SSBP2: variants seen among roughly 807,000 people sequenced by gnomAD.
The protein encoded by SSBP2 is single-stranded DNA-binding protein 2.
In SSBP2, 17 loss-of-function variants were observed where a neutral mutation model predicts 61.8. The observed-to-expected ratio is 0.28, with a 90% CI of 0.19 to 0.41. The LOEUF is 0.41. Ranked by LOEUF, SSBP2 falls within the 10% of genes least tolerant of loss-of-function variation. SSBP2 has a pLI of 1.00. For synonymous variants in SSBP2, 139 were observed against 141.3 expected, an observed-to-expected ratio of 0.98 and a Z score of 0.12; for missense variants, 310 against 458.7, an observed-to-expected ratio of 0.68 and a Z score of 2.96.
intron 1 of SSBP2, among the ~76,000 whole-genome samples, chr5:81,728,360 T>C (rs2153985581): frequency 6.6e-6 from 1 of 152,288 alleles, no homozygotes; most frequent in East Asian, 1.9e-4. Context: ...TTTAAATAAA[T>C]AAAACATTTC....
intron 4 of SSBP2, among the ~76,000 whole-genome samples, chr5:81,609,415 A>G (rs937352050): frequency 6.6e-6 from 1 of 152,234 alleles, no homozygotes; most frequent in African/African-American, 2.4e-5. Context: ...TATACAGTAT[A>G]GGGTTATTAT....
At chr5:81,724,657 C>A (rs1755756180) in intron 1 of SSBP2, among the ~76,000 whole-genome samples, 1 of 151,920 alleles carries the variant, frequency 6.6e-6, no homozygotes. Flanking sequence ...AAATTACAGA[C>A]CCAAATATAA....
chr5:81,438,649 T>A (rs1267733867), intron 14 of SSBP2, among the ~76,000 whole-genome samples: 1 of 152,150 alleles, frequency 6.6e-6, no homozygotes, highest in Non-Finnish European at 1.5e-5. Flanking sequence ...TAGAAAGCAA[T>A]GAGCCAGTTG....
intron 6 of SSBP2, among the ~76,000 whole-genome samples, chr5:81,474,932 A>G (rs923363345): frequency 2.6e-5 from 4 of 152,196 alleles, no homozygotes; most frequent in African/African-American, 7.2e-5. Context: ...CCCTATTTCT[A>G]CAGAATATCT....
At chr5:81,474,673 G>A (rs1277278588) in intron 6 of SSBP2, 111 bp from the exon 7 acceptor site, 1 of 738,422 alleles carries the variant, frequency 1.4e-6, no homozygotes, top group Non-Finnish European at 2.1e-6. Context: ...ATGCATTTGA[G>A]TATTTCTCAA....
At chr5:81,636,707 T>C (rs1295256310) in intron 2 of SSBP2, 89 bp from the exon 3 acceptor site, 1 of 975,742 alleles carries the variant, frequency 1.0e-6, no homozygotes. Context: ...TAAAATACTA[T>C]AGTAATATTT....
At position 81,435,238 on chromosome 5, in the gene SSBP2, G is replaced by A. The variant is rs761338084; in HGVS notation, c.957+2192C>T. The stretch of plus-strand genomic sequence containing the variant: ...TTTATCCAATTCGTTTGATCTCCTC[G>A]TTAAACTGAACTTCTTGAGGGCAGA... On this transcript the variant is annotated intron_variant, in intron 15 of 16. Transcript: ENST00000320672. 1.2e-3 allele frequency among the ~76,000 whole-genome samples: 184 copies of A among 152,200 alleles called. 5 individuals are homozygous for A. Among genetic ancestry groups the A allele is most frequent in the Admixed American group, 5.2e-4 (8 of 15,282 alleles).
chr5:81,491,045 T>G (rs1374713267), intron 5 of SSBP2, among the ~76,000 whole-genome samples: 3 of 152,250 alleles, frequency 2.0e-5, no homozygotes, highest in Non-Finnish European at 4.4e-5. Flanking sequence ...CTTATTCTAA[T>G]ATTCACACTC....
chr5:81,562,675 GA>G (rs764970008), intron 4 of SSBP2, among the ~76,000 whole-genome samples: 2 of 152,064 alleles, frequency 1.3e-5, no homozygotes, highest in Non-Finnish European at 2.9e-5. Context: ...AAACTCCAAA[GA>G]AAGTTTATTA....
intron 4 of SSBP2, among the ~76,000 whole-genome samples, chr5:81,597,048 A>G (rs1743827354): frequency 6.6e-6 from 1 of 152,216 alleles, no homozygotes; most frequent in African/African-American, 2.4e-5. Flanking sequence ...CAGAGTGTAC[A>G]GGCAACCTGT....
chr5:81,731,855 TATA>T (rs1467989302), intron 1 of SSBP2, among the ~76,000 whole-genome samples: 5 of 151,002 alleles, frequency 3.3e-5, no homozygotes, highest in African/African-American at 9.7e-5. Flanking sequence ...ATATAATTGA[TATA>T]ATAATATTAA....
chr5:81,687,390 G>A (rs939329769), intron 1 of SSBP2, among the ~76,000 whole-genome samples: 2 of 152,190 alleles, frequency 1.3e-5, no homozygotes, highest in Non-Finnish European at 2.9e-5. Context: ...AGTGTTTGGT[G>A]CTAAATAAAC....
intron 1 of SSBP2, among the ~76,000 whole-genome samples, chr5:81,665,924 C>G (rs1027871866): frequency 6.6e-6 from 1 of 152,158 alleles, no homozygotes; most frequent in Non-Finnish European, 1.5e-5. Context: ...CAATAGTTAG[C>G]TGGATCACAG....
chr5:81,735,753 C>T (rs1478826725), intron 1 of SSBP2, among the ~76,000 whole-genome samples: 2 of 152,124 alleles, frequency 1.3e-5, no homozygotes, highest in Non-Finnish European at 1.5e-5. Flanking sequence ...TAACTCACAA[C>T]ATTTTATAAA....
chr5:81,538,869 A>G (rs1161231753), intron 4 of SSBP2, among the ~76,000 whole-genome samples: 1 of 152,224 alleles, frequency 6.6e-6, no homozygotes, highest in Non-Finnish European at 1.5e-5. Flanking sequence ...TTGACAATGC[A>G]TCTAGTCACC....
intron 4 of SSBP2, among the ~76,000 whole-genome samples, chr5:81,528,914 T>G (rs560314992): frequency 1.3e-5 from 2 of 152,124 alleles, no homozygotes; most frequent in East Asian, 3.9e-4. Flanking sequence ...ATAATCACAG[T>G]GAGAGATTAG....
intron 5 of SSBP2, among the ~76,000 whole-genome samples, chr5:81,509,216 G>A (rs1263403594): frequency 6.6e-6 from 1 of 152,144 alleles, no homozygotes; most frequent in African/African-American, 2.4e-5. Context: ...AGCCACATCA[G>A]CTCTTTTCCA....
At chr5:81,501,694 C>T (rs1299931081) in intron 5 of SSBP2, among the ~76,000 whole-genome samples, 8 of 151,436 alleles carry the variant, frequency 5.3e-5, no homozygotes, top group African/African-American at 1.7e-4. Context: ...TCCTGAGTAG[C>T]TGGGACTACA....
chr5:81,705,891 T>C (rs1754346283), intron 1 of SSBP2, among the ~76,000 whole-genome samples: 1 of 152,184 alleles, frequency 6.6e-6, no homozygotes, highest in Admixed American at 6.5e-5. Context: ...CATACACTGT[T>C]GGTGGGAATG....
Sources: gnomAD v4.1 joint callset for allele counts (sites outside exome capture counted in the v4.1 genomes callset) on GRCh38, gnomAD v4.1.1 for gene constraint, MANE v1.5 for transcripts, NCBI Gene and HGNC (gene_info 2026-07-23, HGNC 2026-07-21) for gene names.